The following PRKD1 variants were observed in gnomAD, a reference collection of about 807,000 sequenced individuals.
PRKD1 encodes the protein serine/threonine-protein kinase D1.
In PRKD1, 63 loss-of-function variants were observed where a neutral mutation model predicts 95.9. The observed-to-expected ratio is 0.66, with a 90% CI of 0.54 to 0.81. The LOEUF is 0.81. PRKD1 is among the 30% of genes least tolerant of loss of function. The pLI is 0.00. For missense variants in PRKD1, 1,048 were observed against 1,165.3 expected (o/e 0.90, Z 1.47); for synonymous variants, 425 against 423.1 (o/e 1.00, Z -0.05).
At chr14:29,896,530 A>G (rs1309681585) in intron 1 of PRKD1, among the ~76,000 whole-genome samples, 1 of 152,138 alleles carries the variant, frequency 6.6e-6, no homozygotes, top group Non-Finnish European at 1.5e-5. Flanking sequence ...AAGACAGAGG[A>G]CTGATTTCTG....
intron 13 of PRKD1, among the ~76,000 whole-genome samples, chr14:29,610,935 A>G (rs762374137): frequency 3.3e-5 from 5 of 152,250 alleles, no homozygotes; most frequent in Non-Finnish European, 5.9e-5. Context: ...CAGCTATGTG[A>G]CATTCTGGAA....
intron 7 of PRKD1, 110 bp from the exon 8 acceptor site, chr14:29,634,651 C>G: frequency 7.1e-7 from 1 of 1,403,956 alleles, no homozygotes. Flanking sequence ...ACAAAATTCA[C>G]ATCTCATGTT....
chr14:29,599,043 G>T lies in PRKD1; in HGVS notation c.2150C>A (p.Ala717Asp). ...LKPENVLLAS[A>D]DPFPQVKLCD... ...TATACTTGCCTGAGGAAAAGGATCA[G>T]CTGAGGCTAGCAACACATTTTCTGG... Residue 717 changes from alanine (A) to aspartate (D), a missense_variant, in exon 15 of 18, where the codon GCT (alanine) becomes GAT (aspartate). Ala to Asp is a moderately radical substitution (Grantham distance 126). This residue lies in a region of PRKD1 where 739 missense variants were observed against 861.9 expected (regional missense o/e 0.86). Coordinates refer to ENST00000331968, the MANE Select transcript of PRKD1 (RefSeq NM_002742.3). 1 of 1,613,364 alleles carries T rather than the reference G, an allele frequency of 6.2e-7. No homozygotes were observed. Among genetic ancestry groups the T allele is most frequent in the Non-Finnish European group, 8.5e-7 (1 of 1,179,376 alleles).
intron 1 of PRKD1, among the ~76,000 whole-genome samples, chr14:29,802,823 A>G (rs777900978): frequency 3.9e-5 from 6 of 152,226 alleles, no homozygotes; most frequent in Non-Finnish European, 5.9e-5. Flanking sequence ...TGCTTTGCAG[A>G]CATCTTGTTG....
At chr14:29,851,346 C>A (rs368746206) in intron 1 of PRKD1, among the ~76,000 whole-genome samples, 18 of 152,136 alleles carry the variant, frequency 1.2e-4, no homozygotes, top group African/African-American at 4.1e-4. Context: ...GGTCTAATAT[C>A]CAGAATCTGT....
At chr14:29,700,162 T>G (rs1884755788) in intron 2 of PRKD1, among the ~76,000 whole-genome samples, 1 of 152,048 alleles carries the variant, frequency 6.6e-6, no homozygotes, top group African/African-American at 2.4e-5. Flanking sequence ...CCTACAAATT[T>G]TAGGGTACAT....
At chr14:29,622,354 G>C (rs1301967816) in intron 13 of PRKD1, among the ~76,000 whole-genome samples, 1 of 111,458 alleles carries the variant, frequency 9.0e-6, no homozygotes, top group Non-Finnish European at 1.8e-5. Flanking sequence ...TTATACTTCA[G>C]GTGTATTTTT....
intron 2 of PRKD1, among the ~76,000 whole-genome samples, chr14:29,701,495 A>G (rs1476694841): frequency 1.3e-5 from 2 of 152,206 alleles, no homozygotes; most frequent in African/African-American, 2.4e-5. Flanking sequence ...TTCACAACGA[A>G]TATCTTTTCC....
At chr14:29,807,879 G>C (rs944400038) in intron 1 of PRKD1, among the ~76,000 whole-genome samples, 4 of 151,732 alleles carry the variant, frequency 2.6e-5, no homozygotes, top group Non-Finnish European at 5.9e-5. Flanking sequence ...GTGCCACCAA[G>C]ACTGGCTAAT....
intron 1 of PRKD1, among the ~76,000 whole-genome samples, chr14:29,906,208 T>C (rs577580138): frequency 2.6e-5 from 4 of 152,046 alleles, no homozygotes; most frequent in African/African-American, 9.7e-5. Flanking sequence ...ATAAAAATGA[T>C]TTTTTAAAGT....
chr14:29,759,880 A>G (rs1368792203), intron 1 of PRKD1, among the ~76,000 whole-genome samples: 1 of 152,234 alleles, frequency 6.6e-6, no homozygotes, highest in African/African-American at 2.4e-5. Context: ...GGGAGACTGC[A>G]TATCAGTCAC....
chr14:29,589,856 A>T (rs543184535), intron 16 of PRKD1, among the ~76,000 whole-genome samples: 1 of 152,300 alleles, frequency 6.6e-6, no homozygotes, highest in East Asian at 1.9e-4. Context: ...CTTATATCTC[A>T]TTATTAGACC....
At chr14:29,733,649 C>T (rs1400572552) in intron 1 of PRKD1, among the ~76,000 whole-genome samples, 3 of 152,036 alleles carry the variant, frequency 2.0e-5, no homozygotes, top group South Asian at 2.1e-4. Context: ...AGGGAAGAAC[C>T]TTTATAAAAT....
At chr14:29,789,566 T>A (rs1889440576) in intron 1 of PRKD1, among the ~76,000 whole-genome samples, 1 of 152,154 alleles carries the variant, frequency 6.6e-6, no homozygotes, top group South Asian at 2.1e-4. Context: ...CTGCTGGTAG[T>A]GGGCTTGGCA....
intron 1 of PRKD1, among the ~76,000 whole-genome samples, chr14:29,749,976 A>G (rs1215422010): frequency 6.6e-6 from 1 of 152,318 alleles, no homozygotes; most frequent in Non-Finnish European, 1.5e-5. Flanking sequence ...GATTATAATA[A>G]AAGAAGTATC....
chr14:29,744,198 C>T lies in PRKD1; in HGVS notation c.265-18524G>A, dbSNP rs79894534. On this transcript the variant is annotated intron_variant, in intron 1 of 17. Coordinates refer to ENST00000331968, the MANE Select transcript of PRKD1 (RefSeq NM_002742.3). Reference sequence around the variant, plus strand: ...GCTGAGATGTATCTACAAGGTATCACATATTAACATGTTCAGAACAGAACT... The same window carrying T: ...GCTGAGATGTATCTACAAGGTATCATATATTAACATGTTCAGAACAGAACT... Among the ~76,000 whole-genome samples the T allele has an allele frequency of 8.2e-3, 1,248 of 152,282 alleles. 22 individuals are homozygous for T. The highest frequency in any genetic ancestry group is 0.027 in the African/African-American group (1,142 of 41,562).
At chr14:29,620,309 G>C (rs552124527) in intron 13 of PRKD1, among the ~76,000 whole-genome samples, 2 of 151,934 alleles carry the variant, frequency 1.3e-5, no homozygotes, top group South Asian at 4.1e-4. Flanking sequence ...GGCAACAAAA[G>C]CCAAAATTGA....
chr14:29,922,447 C>CT (rs1895152557), intron 1 of PRKD1, among the ~76,000 whole-genome samples: 1 of 151,994 alleles, frequency 6.6e-6, no homozygotes, highest in Non-Finnish European at 1.5e-5. Context: ...GGAGGCTATA[C>CT]AAGGATAAGG....
intron 1 of PRKD1, among the ~76,000 whole-genome samples, chr14:29,800,621 A>G (rs1889988143): frequency 6.6e-6 from 1 of 152,220 alleles, no homozygotes; most frequent in South Asian, 2.1e-4. Context: ...TGAAAACTAA[A>G]AGTAAAATTG....
Sources: gnomAD v4.1 joint callset for allele counts (sites outside exome capture counted in the v4.1 genomes callset) on GRCh38, gnomAD v4.1.1 for gene constraint, gnomAD v4.1.1 regional missense constraint, MANE v1.5 for transcripts, NCBI Gene and HGNC (gene_info 2026-07-23, HGNC 2026-07-21) for gene names.